Variants in MIDEAS observed in about 807,000 individuals in gnomAD.
The protein encoded by MIDEAS is mitotic deacetylase-associated SANT domain protein.
A neutral mutation model predicts 102.7 loss-of-function variants in MIDEAS; 26 were observed. The ratio of observed to expected loss-of-function variants is 0.25; its 90% CI spans 0.19 to 0.35. The LOEUF is 0.35. MIDEAS is among the 10% of genes least tolerant of loss of function. The pLI, the probability that MIDEAS is intolerant of heterozygous loss-of-function variation, is 1.00. For missense variants in MIDEAS, 1,231 were observed against 1,435.6 expected, an observed-to-expected ratio of 0.86 and a Z score of 2.30; for synonymous variants, 585 against 591.0, an observed-to-expected ratio of 0.99 and a Z score of 0.15.
chr14:73,783,398 C>T (rs914459705), intron 1 of MIDEAS, among the ~76,000 whole-genome samples: 1 of 152,138 alleles, frequency 6.6e-6, no homozygotes, highest in African/African-American at 2.4e-5. Flanking sequence ...TTCTTGCCAT[C>T]AGTGGTTTGG....
intron 1 of MIDEAS, among the ~76,000 whole-genome samples, chr14:73,744,835 T>G (rs532670797): frequency 6.6e-6 from 1 of 152,086 alleles, no homozygotes; most frequent in African/African-American, 2.4e-5. Flanking sequence ...ATCCTTCAGG[T>G]TGCAGACACT....
chr14:73,789,600 A>G (rs2053850000), upstream of MIDEAS, among the ~76,000 whole-genome samples: 1 of 152,218 alleles, frequency 6.6e-6, no homozygotes, highest in South Asian at 2.1e-4. Flanking sequence ...AGAGACCAGT[A>G]GAGAATCATT....
intron 11 of MIDEAS, 111 bp downstream of exon 11, chr14:73,721,186 G>T: frequency 2.0e-6 from 2 of 1,003,014 alleles, no homozygotes; most frequent in South Asian, 1.4e-5. Context: ...CACATTTCCT[G>T]CTATTATGAT....
rs1297398994 is a variant in MIDEAS, at chr14:73,716,026, T to C, written c.*2817A>G. On this transcript the variant is annotated 3_prime_UTR_variant, in exon 13 of 13. Coordinates refer to ENST00000423556, the MANE Select transcript of MIDEAS (RefSeq NM_001367710.1). ...CTGAATGCAGATGGATGCTGGGAGA[T>C]GGATATGGTGAGATGGTGTGGGGAG... 2 of 151,996 alleles carry C rather than the reference T, an allele frequency of 1.3e-5. No individual in the cohort carries two copies. The highest frequency in any genetic ancestry group is 1.9e-4 in the East Asian group (1 of 5,148). 9.4% of individuals were successfully genotyped at this position (151,996 alleles called of 1,614,324 possible).
Position 73,737,210 on chromosome 14 carries a change from T to A in MIDEAS, c.1537A>T (p.Thr513Ser), listed in dbSNP as rs377084756. The A allele has an allele frequency of 1.1e-5, 17 of 1,614,014 alleles. No individual in the cohort carries two copies. The highest frequency in any genetic ancestry group is 1.4e-5 in the Non-Finnish European group (16 of 1,180,036). ...GVEFSEPSLA[T>S]KRAREDSGMV... ...CCACTGTCTTCTCGTGCTCGCTTGG[T>A]GGCTAAGGAAGGCTCAGAAAACTCC... Residue 513 changes from threonine (T) to serine (S), a missense_variant, in exon 3 of 13, where the codon ACC (threonine) becomes TCC (serine). Coordinates refer to ENST00000423556, the MANE Select transcript of MIDEAS (RefSeq NM_001367710.1).
chr14:73,777,292 C>A (rs774096316), intron 1 of MIDEAS, among the ~76,000 whole-genome samples: 3 of 151,894 alleles, frequency 2.0e-5, no homozygotes, highest in African/African-American at 7.2e-5. Context: ...TTGGTTCCAG[C>A]CACCCAACTT....
intron 3 of MIDEAS, among the ~76,000 whole-genome samples, chr14:73,732,323 A>G (rs2053149057): frequency 6.6e-6 from 1 of 152,072 alleles, no homozygotes; most frequent in Non-Finnish European, 1.5e-5. Flanking sequence ...ATAGGTTGGC[A>G]AAGAATTAAA....
chr14:73,754,396 A>G (rs1312817451), intron 1 of MIDEAS, among the ~76,000 whole-genome samples: 1 of 152,172 alleles, frequency 6.6e-6, no homozygotes, highest in Non-Finnish European at 1.5e-5. Flanking sequence ...ATAAATAACT[A>G]TGGAGCCAGC....
intron 1 of MIDEAS, among the ~76,000 whole-genome samples, chr14:73,783,832 T>G (rs1359516445): frequency 1.3e-5 from 2 of 152,188 alleles, no homozygotes; most frequent in African/African-American, 4.8e-5. Context: ...TCTGGAAAAC[T>G]GTAGCGTGTT....
At chr14:73,772,832 T>TGTGTGTGC (rs1412244121) in intron 1 of MIDEAS, among the ~76,000 whole-genome samples, 2 of 142,576 alleles carry the variant, frequency 1.4e-5, no homozygotes, top group Non-Finnish European at 3.2e-5. Flanking sequence ...TGTGTGTGTG[T>TGTGTGTGC]GTATTTTGTT....
rs534563848 is a variant in MIDEAS, at chr14:73,737,043, G to T, written c.1704C>A (p.Thr568=). 3.2e-5 allele frequency: 52 copies of T among 1,613,974 alleles called. No individual in the cohort carries two copies. In the South Asian group the frequency reaches 5.6e-4, roughly 17 times the overall value. The change falls in exon 3 of 13, where the codon ACC becomes ACA. Residue 568 remains threonine (T), a synonymous_variant. Coordinates refer to ENST00000423556, the MANE Select transcript of MIDEAS (RefSeq NM_001367710.1). The part of the protein sequence containing the change: ...PAEHKPSVIV[T]RRRSTRIPGT... ...CGGGGATTCGGGTGGACCGCCTGCG[G>T]GTGACGATGACTGATGGCTTGTGCT... is the stretch of plus-strand genomic sequence containing the variant.
At chr14:73,731,321 G>A (rs1013078856) in intron 3 of MIDEAS, among the ~76,000 whole-genome samples, 5 of 152,186 alleles carry the variant, frequency 3.3e-5, no homozygotes, top group African/African-American at 4.8e-5. Context: ...CAAGGTTCTG[G>A]CTCCCATAAA....
chr14:73,771,205 A>G (rs564625931), intron 1 of MIDEAS, among the ~76,000 whole-genome samples: 13 of 152,236 alleles, frequency 8.5e-5, no homozygotes, highest in Admixed American at 5.9e-4. Context: ...TCCTACTTCA[A>G]TCTGATCACA....
chr14:73,780,218 G>A (rs1266046606), intron 1 of MIDEAS, among the ~76,000 whole-genome samples: 1 of 152,118 alleles, frequency 6.6e-6, no homozygotes, highest in South Asian at 2.1e-4. Context: ...TTTAGAATCT[G>A]AACCTCAGAA....
At chr14:73,754,733 G>C (rs779464252) in intron 1 of MIDEAS, among the ~76,000 whole-genome samples, 2 of 152,090 alleles carry the variant, frequency 1.3e-5, no homozygotes, top group Non-Finnish European at 2.9e-5. Flanking sequence ...TCTGTGCCAG[G>C]AACTGCCAGC....
intron 1 of MIDEAS, among the ~76,000 whole-genome samples, chr14:73,749,744 G>C (rs889927227): frequency 1.3e-5 from 2 of 151,990 alleles, no homozygotes; most frequent in African/African-American, 4.8e-5. Context: ...ATCAATAACC[G>C]AAGGAAATTT....
chr14:73,746,021 A>T (rs2053347321), intron 1 of MIDEAS, among the ~76,000 whole-genome samples: 1 of 152,234 alleles, frequency 6.6e-6, no homozygotes, highest in South Asian at 2.1e-4. Flanking sequence ...GCTGCTCAGG[A>T]TCAGAAGCTT....
intron 3 of MIDEAS, among the ~76,000 whole-genome samples, chr14:73,734,701 T>C (rs371355990): frequency 6.6e-6 from 1 of 152,148 alleles, no homozygotes. Context: ...CAAAGTGCTG[T>C]GATTGCAGGC....
At chr14:73,761,790 A>C (rs1023981531), upstream of MIDEAS, among the ~76,000 whole-genome samples, 12 of 152,162 alleles carry the variant, frequency 7.9e-5, no homozygotes, top group East Asian at 1.9e-4. Context: ...TGTGAGTTTT[A>C]TCTCTCTCAA....
Sources: gnomAD v4.1 joint callset for allele counts (sites outside exome capture counted in the v4.1 genomes callset) on GRCh38, gnomAD v4.1.1 for gene constraint, MANE v1.5 for transcripts, NCBI Gene and HGNC (gene_info 2026-07-23, HGNC 2026-07-21) for gene names.